Variants in UNC5D observed in about 807,000 individuals in gnomAD.
The protein encoded by UNC5D is unc-5 netrin receptor D, also known as netrin receptor UNC5D.
A neutral mutation model predicts 105.4 loss-of-function variants in UNC5D; 39 were observed. That is an observed-to-expected ratio of 0.37 (90% CI 0.29 to 0.48). The LOEUF (loss-of-function observed/expected upper bound fraction) is 0.48, where lower values mean the gene tolerates loss of function less well. Among genes scored for constraint, UNC5D ranks in the 20% least tolerant of loss-of-function variants. The pLI is 0.98. For synonymous variants in UNC5D, 452 were observed against 450.4 expected, an observed-to-expected ratio of 1.00 and a Z score of -0.04; for missense variants, 991 against 1,202.4, an observed-to-expected ratio of 0.82 and a Z score of 2.60.
intron 1 of UNC5D, among the ~76,000 whole-genome samples, chr8:35,506,360 C>T (rs1812303436): frequency 6.6e-6 from 1 of 152,164 alleles, no homozygotes; most frequent in East Asian, 1.9e-4. Context: ...TTTCAGTGGT[C>T]AGAATGGTTT....
intron 1 of UNC5D, among the ~76,000 whole-genome samples, chr8:35,330,236 C>A (rs1563318710): frequency 6.6e-6 from 1 of 152,196 alleles, no homozygotes; most frequent in East Asian, 1.9e-4. Flanking sequence ...CACATATTAA[C>A]TGCTCAATAA....
chr8:35,647,077 G>A lies in UNC5D; in HGVS notation c.571-36470G>A, dbSNP rs543289473. 3.9e-5 allele frequency among the ~76,000 whole-genome samples: 6 copies of A among 152,244 alleles called. No individual in the cohort carries two copies. The South Asian group carries it at 1.0e-3, about 26-fold the overall frequency. On this transcript the variant is annotated intron_variant, in intron 4 of 16. Transcript: ENST00000404895. ...GGATGATTCATTAGCAGATCTTAAT[G>A]ATGTTTCTATCTGTTTGACTTCACC...
intron 9 of UNC5D, 141 bp from the exon 10 acceptor site, chr8:35,726,011 G>T: frequency 8.0e-6 from 9 of 1,121,378 alleles, no homozygotes; most frequent in Non-Finnish European, 9.9e-6. Flanking sequence ...ACCCAACCTG[G>T]CAGGGTGGTC....
intron 4 of UNC5D, among the ~76,000 whole-genome samples, chr8:35,675,957 T>C (rs1383519992): frequency 6.6e-6 from 1 of 151,904 alleles, no homozygotes; most frequent in Non-Finnish European, 1.5e-5. Flanking sequence ...TGACATATTA[T>C]GACACATGCA....
At chr8:35,333,344 A>G (rs1810773820) in intron 1 of UNC5D, among the ~76,000 whole-genome samples, 1 of 152,110 alleles carries the variant, frequency 6.6e-6, no homozygotes, top group African/African-American at 2.4e-5. Context: ...AAAAGAAATT[A>G]TATATAAGCT....
chr8:35,710,658 C>T (rs78306222), intron 8 of UNC5D, among the ~76,000 whole-genome samples: 6,857 of 151,938 alleles, frequency 0.045, 326 homozygotes, highest in Admixed American at 0.11. Flanking sequence ...TGGACCCTGA[C>T]GGACATTAAC....
chr8:35,331,476 C>T (rs1270535358), intron 1 of UNC5D, among the ~76,000 whole-genome samples: 1 of 152,038 alleles, frequency 6.6e-6, no homozygotes, highest in East Asian at 1.9e-4. Context: ...AGGAGGAGGC[C>T]AGAGTTGTGT....
intron 1 of UNC5D, among the ~76,000 whole-genome samples, chr8:35,468,791 A>G (rs1378888140): frequency 1.3e-5 from 2 of 152,256 alleles, no homozygotes; most frequent in East Asian, 3.9e-4. Flanking sequence ...CATTGAAAAC[A>G]CCTCCTGGCA....
chr8:35,504,326 G>A (rs1812172366), intron 1 of UNC5D, among the ~76,000 whole-genome samples: 1 of 152,142 alleles, frequency 6.6e-6, no homozygotes, highest in Admixed American at 6.5e-5. Context: ...AGCTATGTGA[G>A]GCTAATTAAA....
intron 3 of UNC5D, among the ~76,000 whole-genome samples, chr8:35,576,809 T>C (rs1320387627): frequency 6.6e-6 from 1 of 152,138 alleles, no homozygotes; most frequent in African/African-American, 2.4e-5. Context: ...GAGATGGGGT[T>C]TCACTATGTT....
chr8:35,759,387 A>G lies in UNC5D; in HGVS notation c.2231A>G (p.Lys744Arg), dbSNP rs774607141. The change falls in exon 14 of 17, where the codon AAA becomes AGA. Residue 744 changes from lysine (K) to arginine (R), a missense_variant. This residue lies in a region of UNC5D where 944 missense variants were observed against 1,131.6 expected (regional missense o/e 0.83). Coordinates refer to ENST00000404895, the MANE Select transcript of UNC5D (RefSeq NM_080872.4). Reference sequence around the variant, plus strand: ...GAAGAACCAAAATTGCTGCATTTCAAAGGGAATACCTTTAGTCTTCAGATT... The same window carrying G: ...GAAGAACCAAAATTGCTGCATTTCAGAGGGAATACCTTTAGTCTTCAGATT... ...LLEEPKLLHF[K>R]GNTFSLQISV... 21 of 1,614,048 alleles carry G rather than the reference A, an allele frequency of 1.3e-5. 1 individual carries two copies. The South Asian group carries it at 1.5e-4, about 12-fold the overall frequency.
chr8:35,692,115 A>G (rs1430654953), intron 7 of UNC5D, among the ~76,000 whole-genome samples: 1 of 152,214 alleles, frequency 6.6e-6, no homozygotes, highest in Non-Finnish European at 1.5e-5. Flanking sequence ...AAATATCAGT[A>G]AAACGGTGGT....
At chr8:35,590,026 T>C (rs1345088669) in intron 3 of UNC5D, among the ~76,000 whole-genome samples, 3 of 152,042 alleles carry the variant, frequency 2.0e-5, no homozygotes, top group Admixed American at 2.0e-4. Context: ...GAAGGACATA[T>C]ATTGATGGTT....
intron 4 of UNC5D, among the ~76,000 whole-genome samples, chr8:35,604,637 G>A (rs1255182582): frequency 2.0e-5 from 3 of 152,182 alleles, no homozygotes; most frequent in Non-Finnish European, 2.9e-5. Flanking sequence ...CCTGCAGAGT[G>A]TTTTCCAGCT....
At chr8:35,386,237 T>A (rs1486133123) in intron 1 of UNC5D, among the ~76,000 whole-genome samples, 1 of 152,192 alleles carries the variant, frequency 6.6e-6, no homozygotes, top group Non-Finnish European at 1.5e-5. Context: ...CCAAACCCTA[T>A]CAGAGCATCA....
chr8:35,784,292 C>T lies in UNC5D; in HGVS notation c.2658-6067C>T, dbSNP rs548928870. Among the ~76,000 whole-genome samples, 149 of 152,188 alleles carry T rather than the reference C, an allele frequency of 9.8e-4. 1 individual carries two copies. Among genetic ancestry groups the T allele is most frequent in the Admixed American group, 1.3e-3 (20 of 15,274 alleles). On this transcript the variant is annotated intron_variant, in intron 16 of 16. Coordinates refer to ENST00000404895, the MANE Select transcript of UNC5D (RefSeq NM_080872.4). ...ATGAACTTACATAGATGAATGTATT[C>T]GGCTGTCTTCTCCTAAGCTTTAATC...
chr8:35,470,087 A>G (rs1333213852), intron 1 of UNC5D, among the ~76,000 whole-genome samples: 1 of 152,218 alleles, frequency 6.6e-6, no homozygotes, highest in African/African-American at 2.4e-5. Context: ...AATATTAAGT[A>G]GAATTATGAA....
rs1341179168 is a variant in UNC5D at position 35,497,502 on chromosome 8, A to G, written c.104-51790A>G. On this transcript the variant is annotated intron_variant, in intron 1 of 16. Transcript: ENST00000404895. ...TGAAACCTGATGGTTTCTTTATTTG[A>G]GGTGTAGCGCCAGAAGAGAAGCAGG... is the stretch of plus-strand genomic sequence containing the variant. 2.6e-5 allele frequency among the ~76,000 whole-genome samples: 4 copies of G among 152,148 alleles called. No homozygotes were observed. In the East Asian group the frequency reaches 5.8e-4, roughly 22 times the overall value.
At chr8:35,291,464 C>T (rs1162886210) in intron 1 of UNC5D, among the ~76,000 whole-genome samples, 1 of 152,212 alleles carries the variant, frequency 6.6e-6, no homozygotes, top group Non-Finnish European at 1.5e-5. Flanking sequence ...CTGACCATCA[C>T]TTGCTTAGTA....
Sources: gnomAD v4.1 joint callset for allele counts (sites outside exome capture counted in the v4.1 genomes callset) on GRCh38, gnomAD v4.1.1 for gene constraint, gnomAD v4.1.1 regional missense constraint, MANE v1.5 for transcripts, NCBI Gene and HGNC (gene_info 2026-07-23, HGNC 2026-07-21) for gene names.